Variants in CADPS2 observed in about 807,000 individuals in gnomAD.
CADPS2 encodes calcium-dependent secretion activator 2.
A neutral mutation model predicts 172.5 loss-of-function variants in CADPS2; 93 were observed. The observed-to-expected ratio is 0.54, with a 90% confidence interval of 0.46 to 0.64. The LOEUF is 0.64. CADPS2 is among the 30% of genes least tolerant of loss of function. The pLI is 0.00. For missense variants in CADPS2, 1,420 were observed against 1,565.9 expected (o/e 0.91, Z 1.57); for synonymous variants, 546 against 555.2 (o/e 0.98, Z 0.23).
intron 20 of CADPS2, among the ~76,000 whole-genome samples, chr7:122,399,991 T>C (rs2045740130): frequency 6.6e-6 from 1 of 151,738 alleles, no homozygotes; most frequent in Non-Finnish European, 1.5e-5. Flanking sequence ...GGTTTCTTGA[T>C]GCCCATGGTT....
At chr7:122,350,114 T>C (rs939697833) in intron 27 of CADPS2, among the ~76,000 whole-genome samples, 1 of 152,200 alleles carries the variant, frequency 6.6e-6, no homozygotes, top group African/African-American at 2.4e-5. Context: ...AGAGTGGAAG[T>C]GTAATATCCT....
intron 3 of CADPS2, among the ~76,000 whole-genome samples, chr7:122,650,777 T>C (rs905932669): frequency 1.3e-5 from 2 of 152,160 alleles, no homozygotes; most frequent in Non-Finnish European, 2.9e-5. Context: ...CACTGACAAT[T>C]TAAAAATTTT....
chr7:122,544,316 A>T (rs543197753), intron 8 of CADPS2, among the ~76,000 whole-genome samples: 2 of 152,322 alleles, frequency 1.3e-5, no homozygotes, highest in African/African-American at 4.8e-5. Context: ...TGATTAATCC[A>T]GCTCCATGCA....
At chr7:122,491,849 T>C (rs1457054029) in intron 9 of CADPS2, among the ~76,000 whole-genome samples, 3 of 152,142 alleles carry the variant, frequency 2.0e-5, no homozygotes, top group Admixed American at 1.3e-4. Flanking sequence ...TACATAAACA[T>C]GGGACCACAT....
chr7:122,767,913 CTTGT>C (rs2093602481), intron 1 of CADPS2, among the ~76,000 whole-genome samples: 2 of 152,186 alleles, frequency 1.3e-5, no homozygotes, highest in South Asian at 4.1e-4. Context: ...TCTGCTGCCT[CTTGT>C]TTGTTATTTC....
chr7:122,805,338 T>G (rs974056954), intron 1 of CADPS2, among the ~76,000 whole-genome samples: 2 of 152,140 alleles, frequency 1.3e-5, no homozygotes, highest in African/African-American at 4.8e-5. Flanking sequence ...TTTTGAATTT[T>G]TAGTAGAGAT....
At chr7:122,726,980 A>T (rs538794833) in intron 2 of CADPS2, among the ~76,000 whole-genome samples, 1 of 152,036 alleles carries the variant, frequency 6.6e-6, no homozygotes, top group East Asian at 1.9e-4. Flanking sequence ...TGTAAAATGG[A>T]ATCTGTGGTC....
intron 1 of CADPS2, among the ~76,000 whole-genome samples, chr7:122,783,342 A>C (rs1793248467): frequency 6.6e-6 from 1 of 151,798 alleles, no homozygotes; most frequent in Non-Finnish European, 1.5e-5. Context: ...CTTCCATCTT[A>C]CTTTGTGTTT....
intron 2 of CADPS2, among the ~76,000 whole-genome samples, chr7:122,705,991 A>T (rs2087331680): frequency 1.1e-5 from 1 of 89,486 alleles, no homozygotes; most frequent in African/African-American, 4.6e-5. Flanking sequence ...AATATTATAT[A>T]TTATATAATA....
intron 15 of CADPS2, among the ~76,000 whole-genome samples, chr7:122,447,115 A>T (rs10269417): frequency 0.41 from 60,697 of 147,878 alleles, 12,770 homozygotes; most frequent in African/African-American, 0.5. Flanking sequence ...CTAATATAGT[A>T]ACATCATTTT....
chr7:122,886,162 G>A lies in CADPS2; in HGVS notation c.176C>T (p.Pro59Leu). The A allele has an allele frequency of 1.3e-6, 2 of 1,529,300 alleles. No homozygotes were observed. The highest frequency in any genetic ancestry group is 1.8e-6 in the Non-Finnish European group (2 of 1,139,580). 94.7% of individuals were successfully genotyped at this position (1,529,300 alleles called of 1,614,324 possible). A position where few individuals can be genotyped will look rare whatever the true frequency, so the allele number is the denominator to read the frequency against. ...CCCCTCGCTGAGCACAGAGGGGCTCGGGCTCACAGATCTGGCCGCGCCGCC... is the reference window on the plus strand; with the variant it reads ...CCCCTCGCTGAGCACAGAGGGGCTCAGGCTCACAGATCTGGCCGCGCCGCC... ...GGGGAARSVS[P>L]SPSVLSEGRD... Residue 59 changes from proline to leucine, a missense_variant, in exon 1 of 30, where the codon CCG becomes CTG. Transcript: ENST00000449022.
At chr7:122,344,627 T>C (rs1007622531) in intron 28 of CADPS2, among the ~76,000 whole-genome samples, 2 of 152,228 alleles carry the variant, frequency 1.3e-5, no homozygotes, top group Non-Finnish European at 1.5e-5. Flanking sequence ...TATTTGGCTT[T>C]ACTGCAGCTT....
At chr7:122,492,202 T>A (rs55664480) in intron 9 of CADPS2, among the ~76,000 whole-genome samples, 47,496 of 150,474 alleles carry the variant, frequency 0.32, 7,523 homozygotes, top group East Asian at 0.37. Context: ...ATAAATAAAT[T>A]AATTAATTAA....
At chr7:122,326,100 T>G (rs2150741708) in intron 28 of CADPS2, among the ~76,000 whole-genome samples, 1 of 151,428 alleles carries the variant, frequency 6.6e-6, no homozygotes, top group South Asian at 2.1e-4. Context: ...AATCTACAAC[T>G]TAAACAGTAA....
At chr7:122,464,968 G>A (rs1178335143) in intron 14 of CADPS2, among the ~76,000 whole-genome samples, 4 of 152,116 alleles carry the variant, frequency 2.6e-5, no homozygotes, top group South Asian at 2.1e-4. Context: ...ACGGAAATAC[G>A]AAAACTCTAT....
intron 6 of CADPS2, among the ~76,000 whole-genome samples, chr7:122,582,096 G>A (rs2068905678): frequency 1.0e-5 from 1 of 97,056 alleles, no homozygotes; most frequent in Non-Finnish European, 2.1e-5. Context: ...ACAGCATGAA[G>A]AAGATGCCAT....
intron 3 of CADPS2, among the ~76,000 whole-genome samples, chr7:122,644,761 A>G (rs914980876): frequency 5.9e-5 from 9 of 152,210 alleles, no homozygotes; most frequent in African/African-American, 2.2e-4. Flanking sequence ...CAAAAAGAAC[A>G]TAAGGAAATG....
intron 2 of CADPS2, among the ~76,000 whole-genome samples, chr7:122,701,379 G>T (rs1324663671): frequency 6.6e-6 from 1 of 151,942 alleles, no homozygotes; most frequent in Non-Finnish European, 1.5e-5. Flanking sequence ...TCATAGGTGG[G>T]AATTGAACAA....
chr7:122,716,143 A>G (rs2089565330), intron 2 of CADPS2, among the ~76,000 whole-genome samples: 1 of 152,140 alleles, frequency 6.6e-6, no homozygotes, highest in South Asian at 2.1e-4. Context: ...TAATTTGTCA[A>G]TTAAAATATT....
Sources: allele counts gnomAD v4.1 joint callset (sites outside exome capture counted in the v4.1 genomes callset), GRCh38; gene constraint gnomAD v4.1.1; transcripts MANE v1.5; gene names NCBI Gene and HGNC (gene_info 2026-07-23, HGNC 2026-07-21).